The following CLOCK variants were observed in gnomAD, a reference collection of about 807,000 sequenced individuals.
CLOCK encodes the protein circadian locomoter output cycles protein kaput.
Under a neutral mutation model 118.4 loss-of-function variants are expected in CLOCK, and 43 were observed. That is an observed-to-expected ratio of 0.36 (90% confidence interval 0.28 to 0.47). The LOEUF (loss-of-function observed/expected upper bound fraction) is 0.47, where lower values mean the gene tolerates loss of function less well. Ranked by LOEUF, CLOCK falls within the 20% of genes least tolerant of loss-of-function variation. The pLI, the probability that CLOCK is intolerant of heterozygous loss-of-function variation, is 1.00. For synonymous variants in CLOCK, 326 were observed against 339.2 expected, an observed-to-expected ratio of 0.96 and a Z score of 0.43; for missense variants, 846 against 999.9, an observed-to-expected ratio of 0.85 and a Z score of 2.08.
rs576660584 is a variant in CLOCK at position 55,502,929 on chromosome 4, C to T, written c.-136+6983G>A. On this transcript the variant is annotated intron_variant, in intron 2 of 22. Coordinates refer to ENST00000513440, the MANE Select transcript of CLOCK (RefSeq NM_004898.4). ...AGCCTTTTAAATCATCAGGGAATTA[C>T]GAATTAAAACTACAATAGACCTTTA... Among the ~76,000 whole-genome samples the T allele has an allele frequency of 9.2e-5, 14 of 152,190 alleles. No individual in the cohort carries two copies. In the East Asian group the frequency reaches 2.5e-3, roughly 27 times the overall value.
intron 1 of CLOCK, among the ~76,000 whole-genome samples, chr4:55,530,771 TCG>T: frequency 2.9e-4 from 1 of 3,468 alleles, no homozygotes; most frequent in African/African-American, 1.2e-3. Flanking sequence ...CAAGACTCCA[TCG>T]CAAAAAAAAA....
chr4:55,443,844 GA>G lies in CLOCK; in HGVS notation c.1744del (p.Ser582LeufsTer14). The stretch of plus-strand genomic sequence containing the variant: ...CTGGATATTAGATGAATTTCCAGAA[GA>G]AAGTTGAACGGAACCAAAATTCAAC... ...PGLNFGSVQL[S>X]SGNSSNIQQL... On this transcript the variant is annotated frameshift_variant, in exon 20 of 23. Coordinates refer to ENST00000513440, the MANE Select transcript of CLOCK (RefSeq NM_004898.4). LOFTEE classifies it high-confidence loss of function. 6.2e-7 allele frequency: 1 copy of G among 1,613,756 alleles called. No homozygotes were observed. The highest frequency in any genetic ancestry group is 1.3e-5 in the African/African-American group (1 of 75,040).
chr4:55,522,724 GCA>G (rs375685604), intron 1 of CLOCK, among the ~76,000 whole-genome samples: 6 of 151,980 alleles, frequency 3.9e-5, no homozygotes, highest in African/African-American at 1.5e-4. Context: ...ATTTGTAAAT[GCA>G]CACTTTCCCT....
intron 2 of CLOCK, among the ~76,000 whole-genome samples, chr4:55,491,963 T>C (rs73236148): frequency 0.019 from 2,839 of 152,268 alleles, 30 homozygotes; most frequent in South Asian, 0.035. Flanking sequence ...CACTGAAGAA[T>C]TCTACCAAAC....
chr4:55,544,788 T>C (rs1173914274), intron 1 of CLOCK, among the ~76,000 whole-genome samples: 1 of 152,160 alleles, frequency 6.6e-6, no homozygotes, highest in Non-Finnish European at 1.5e-5. Context: ...TCCCTCAGAC[T>C]ATTTCTCCCT....
chr4:55,522,065 T>C (rs1189204252), intron 1 of CLOCK, among the ~76,000 whole-genome samples: 1 of 152,150 alleles, frequency 6.6e-6, no homozygotes, highest in Non-Finnish European at 1.5e-5. Flanking sequence ...AGACAACAGG[T>C]ACCCAAATAG....
chr4:55,464,438 T>A (rs1009842875), intron 8 of CLOCK, among the ~76,000 whole-genome samples: 1 of 152,214 alleles, frequency 6.6e-6, no homozygotes, highest in Non-Finnish European at 1.5e-5. Flanking sequence ...GAATCAAAGA[T>A]GAATAAGATA....
chr4:55,480,734 A>G (rs11722049), intron 4 of CLOCK, among the ~76,000 whole-genome samples: 51,220 of 151,696 alleles, frequency 0.34, 9,344 homozygotes, highest in East Asian at 0.58. Flanking sequence ...TACTAAAGAT[A>G]CAAAAACTTA....
Position 55,443,753 on chromosome 4 carries a change from A to G in CLOCK, c.1836T>C (p.Asn612=). 3 of 1,614,084 alleles carry G rather than the reference A, an allele frequency of 1.9e-6. No individual in the cohort carries two copies. The highest frequency in any genetic ancestry group is 2.5e-6 in the Non-Finnish European group (3 of 1,179,964). The part of the protein sequence containing the change: ...VPTNQIQSGM[N]TGHIGTTQHM... ...GCTGAGTTGTGCCAATGTGTCCAGT[A>G]TTCATTCCACTTTGAATCTGGTTAG... Residue 612 remains asparagine, a synonymous_variant, in exon 20 of 23, where the codon AAT becomes AAC. Coordinates refer to ENST00000513440, the MANE Select transcript of CLOCK (RefSeq NM_004898.4).
intron 1 of CLOCK, among the ~76,000 whole-genome samples, chr4:55,512,930 A>G (rs554400894): frequency 5.9e-5 from 9 of 152,312 alleles, no homozygotes; most frequent in Admixed American, 5.9e-4. Flanking sequence ...GTCCCATAAA[A>G]TTATAATATG....
chr4:55,520,918 T>A (rs1729811290), intron 1 of CLOCK, among the ~76,000 whole-genome samples: 1 of 152,178 alleles, frequency 6.6e-6, no homozygotes, highest in Non-Finnish European at 1.5e-5. Context: ...CTATAACAAC[T>A]CCTTTGTGAA....
At chr4:55,449,897 T>C (rs1724266579) in intron 16 of CLOCK, among the ~76,000 whole-genome samples, 194 bp downstream of exon 16, 2 of 152,224 alleles carry the variant, frequency 1.3e-5, no homozygotes, top group Admixed American at 6.5e-5. Context: ...CACATTTTAA[T>C]AGGCTACTTG....
chr4:55,444,837 C>G, intron 18 of CLOCK, 52 bp from the exon 19 acceptor site: 1 of 1,553,740 alleles, frequency 6.4e-7, no homozygotes, highest in Non-Finnish European at 8.8e-7. Flanking sequence ...TTACTTACTC[C>G]TTATAATTGC....
At chr4:55,513,031 G>A (rs1729262999) in intron 1 of CLOCK, among the ~76,000 whole-genome samples, 1 of 152,098 alleles carries the variant, frequency 6.6e-6, no homozygotes, top group South Asian at 2.1e-4. Context: ...TACATTTAGT[G>A]TAGTCTAAGT....
intron 2 of CLOCK, among the ~76,000 whole-genome samples, chr4:55,493,229 T>C (rs1727843687): frequency 6.6e-6 from 1 of 152,164 alleles, no homozygotes; most frequent in South Asian, 2.1e-4. Flanking sequence ...CAAAGTTTCA[T>C]CTAGTTAATA....
chr4:55,529,538 T>A (rs1730407713), intron 1 of CLOCK, among the ~76,000 whole-genome samples: 1 of 152,040 alleles, frequency 6.6e-6, no homozygotes, highest in Admixed American at 6.6e-5. Context: ...AATCTCAAAA[T>A]AGAACAAAGT....
At chr4:55,450,962 CT>C (rs1351047370) in intron 15 of CLOCK, among the ~76,000 whole-genome samples, 2 of 151,988 alleles carry the variant, frequency 1.3e-5, no homozygotes, top group Admixed American at 6.6e-5. Flanking sequence ...CGACACTAAT[CT>C]TTCCCTTCAC....
chr4:55,546,321 C>T (rs1202244308), intron 1 of CLOCK, among the ~76,000 whole-genome samples: 2 of 152,142 alleles, frequency 1.3e-5, no homozygotes, highest in Non-Finnish European at 2.9e-5. Flanking sequence ...CCCCAGAGGG[C>T]CTCTCAGGCA....
At chr4:55,508,410 T>G (rs6819660) in intron 2 of CLOCK, among the ~76,000 whole-genome samples, 88,775 of 151,898 alleles carry the variant, frequency 0.58, 27,536 homozygotes, top group South Asian at 0.81. Flanking sequence ...TTAGAATATG[T>G]GTAATACTTT....
Sources: gnomAD v4.1 joint callset for allele counts (sites outside exome capture counted in the v4.1 genomes callset) on GRCh38, gnomAD v4.1.1 for gene constraint, MANE v1.5 for transcripts, NCBI Gene and HGNC (gene_info 2026-07-23, HGNC 2026-07-21) for gene names.